The following C1orf159 variants were observed in gnomAD, a reference collection of about 807,000 sequenced individuals.
The protein encoded by C1orf159 is uncharacterized protein C1orf159.
In C1orf159, 19 loss-of-function variants were observed where a neutral mutation model predicts 25.6. The ratio of observed to expected loss-of-function variants is 0.74; its 90% CI spans 0.52 to 1.09. C1orf159 has a LOEUF of 1.09. Among genes scored for constraint, C1orf159 ranks in the 50% least tolerant of loss-of-function variants. The pLI, the probability that C1orf159 is intolerant of heterozygous loss-of-function variation, is 0.00. For synonymous variants in C1orf159, 139 were observed against 124.7 expected (o/e 1.12, Z -0.77); for missense variants, 274 against 290.6 (o/e 0.94, Z 0.42).
Position 1,082,841 on chromosome 1 carries a change from T to A in C1orf159, c.*52A>T. On this transcript the variant is annotated 3_prime_UTR_variant, in exon 10 of 10. Coordinates refer to ENST00000421241, the MANE Select transcript of C1orf159 (RefSeq NM_017891.5). The stretch of plus-strand genomic sequence containing the variant: ...CTTTGTGCTGGTTCCCGCCAAGGGG[T>A]CGGCCTCCGGGTCCCTGCCGCCAAG... 1 of 1,479,852 alleles carries A rather than the reference T, an allele frequency of 6.8e-7. No individual in the cohort carries two copies. Among genetic ancestry groups the A allele is most frequent in the Non-Finnish European group, 9.2e-7 (1 of 1,082,576 alleles). The allele number at this position is 1,479,852 out of a possible 1,614,324, so 91.7% of individuals were successfully genotyped here.
chr1:1,101,205 C>T (rs187973978), intron 1 of C1orf159, among the ~76,000 whole-genome samples: 2 of 152,208 alleles, frequency 1.3e-5, no homozygotes, highest in Admixed American at 6.5e-5. Context: ...CAAACTTGGT[C>T]GGGCGTGGCA....
At chr1:1,102,614 TAAAAAAAAAAAAAAAAAAAAA>T (rs1170365187) in intron 1 of C1orf159, among the ~76,000 whole-genome samples, 1 of 34,108 alleles carries the variant, frequency 2.9e-5, no homozygotes, top group African/African-American at 1.0e-4. Context: ...CTGTCTCTAC[TAAAAAAAAAAAAAAAAAAAAA>T]AAAAAAAAAA....
intron 6 of C1orf159, among the ~76,000 whole-genome samples, chr1:1,086,422 C>G (rs565118668): frequency 1.3e-5 from 2 of 152,372 alleles, no homozygotes; most frequent in South Asian, 4.1e-4. Flanking sequence ...GAGCCTCAAG[C>G]TGGCAGCAGG....
At chr1:1,091,169 TGC>T (rs1553119905) in intron 3 of C1orf159, 2 of 617,866 alleles carry the variant, frequency 3.2e-6, no homozygotes, top group Non-Finnish European at 5.7e-6. Flanking sequence ...CCGATAGCGA[TGC>T]GCGGCACGCT....
chr1:1,112,231 C>T (rs560212857), intron 1 of C1orf159, among the ~76,000 whole-genome samples: 39 of 152,332 alleles, frequency 2.6e-4, no homozygotes, highest in Non-Finnish European at 5.3e-4. Context: ...GGCAGCTTCC[C>T]GATACGATCT....
intron 1 of C1orf159, among the ~76,000 whole-genome samples, chr1:1,100,983 A>G (rs958891442): frequency 3.3e-5 from 5 of 152,188 alleles, no homozygotes; most frequent in Non-Finnish European, 7.3e-5. Flanking sequence ...ACTAATTTTG[A>G]TGTTCATCAT....
intron 9 of C1orf159, 60 bp downstream of exon 9, chr1:1,084,282 AACCCACAGAGC>A: frequency 6.6e-7 from 1 of 1,520,550 alleles, no homozygotes; most frequent in Non-Finnish European, 8.8e-7. Context: ...TTTGGGGACA[AACCCACAGAGC>A]ACCCTGGGAC....
At position 1,100,884 on chromosome 1, in the gene C1orf159, G is replaced by A. The variant is rs138125526; in HGVS notation, c.-135-8781C>T. Among the ~76,000 whole-genome samples the A allele has an allele frequency of 4.0e-3, 604 of 152,172 alleles. 4 individuals are homozygous for A. Among genetic ancestry groups the A allele is most frequent in the Admixed American group, 5.7e-3 (87 of 15,280 alleles). On this transcript the variant is annotated intron_variant, in intron 1 of 9. Coordinates refer to ENST00000421241, the MANE Select transcript of C1orf159 (RefSeq NM_017891.5). ...GACACCTTGCAACTGTACAGTCCACGGATCCCCTCTACTACTCTTCACGTT... is the reference window on the plus strand; with the variant it reads ...GACACCTTGCAACTGTACAGTCCACAGATCCCCTCTACTACTCTTCACGTT...
rs1470040140 is a variant in C1orf159 at position 1,110,666 on chromosome 1, G to A, written c.-136+5394C>T. On this transcript the variant is annotated intron_variant, in intron 1 of 9. Coordinates refer to ENST00000421241, the MANE Select transcript of C1orf159 (RefSeq NM_017891.5). The surrounding 1 kb of genome is among the most constrained non-coding windows in gnomAD (Gnocchi z 4.8). ...ACACCTGGGATGCAGCCTTCCCCCC[G>A]GGCACGTTCCCAAGAGAAACAACAC... 3.3e-5 allele frequency among the ~76,000 whole-genome samples: 5 copies of A among 151,684 alleles called. No individual in the cohort carries two copies. The highest frequency in any genetic ancestry group is 2.1e-4 in the South Asian group (1 of 4,810).
chr1:1,110,307 G>A lies in C1orf159; in HGVS notation c.-136+5753C>T, dbSNP rs1174138912. Among the ~76,000 whole-genome samples the A allele has an allele frequency of 6.6e-6, 1 of 152,190 alleles. No individual in the cohort carries two copies. Among genetic ancestry groups the A allele is most frequent in the East Asian group, 1.9e-4 (1 of 5,206 alleles). ...CTGGGGTCCCCTTGACCAAGAGGGA[G>A]CTCGTTCAGTCGGCGGGGGACTTAG... On this transcript the variant is annotated intron_variant, in intron 1 of 9. Coordinates refer to ENST00000421241, the MANE Select transcript of C1orf159 (RefSeq NM_017891.5). This position sits in a 1 kb window ranked among gnomAD's most constrained non-coding sequence, Gnocchi z 4.8.
intron 1 of C1orf159, among the ~76,000 whole-genome samples, chr1:1,107,693 G>A (rs1488142643): frequency 6.6e-6 from 1 of 152,228 alleles, no homozygotes; most frequent in East Asian, 1.9e-4. Context: ...GGTGGGGTCA[G>A]ATAAGGGAAT....
At position 1,110,955 on chromosome 1, in the gene C1orf159, C is replaced by T. The variant is rs1646249366; in HGVS notation, c.-136+5105G>A. On this transcript the variant is annotated intron_variant, in intron 1 of 9. Coordinates refer to ENST00000421241, the MANE Select transcript of C1orf159 (RefSeq NM_017891.5). This position sits in a 1 kb window ranked among gnomAD's most constrained non-coding sequence, Gnocchi z 4.8. ...GCGCGGCAGGCGGGCGCTGGAGCAG[C>T]CTGCGAGGCAATCTCCATGGATCAC... Among the ~76,000 whole-genome samples, 1 of 152,238 alleles carries T rather than the reference C, an allele frequency of 6.6e-6. No individual in the cohort carries two copies. Among genetic ancestry groups the T allele is most frequent in the African/African-American group, 2.4e-5 (1 of 41,460 alleles).
chr1:1,087,205 C>T lies in C1orf159; in HGVS notation c.245-1G>A. The T allele has an allele frequency of 6.2e-7, 1 of 1,606,472 alleles. No individual in the cohort carries two copies. The highest frequency in any genetic ancestry group is 1.3e-5 in the African/African-American group (1 of 74,988). On this transcript the variant is annotated splice_acceptor_variant, in intron 5 of 9. Coordinates refer to ENST00000421241, the MANE Select transcript of C1orf159 (RefSeq NM_017891.5). LOFTEE classifies it high-confidence loss of function. This position sits in a 1 kb window ranked among gnomAD's most constrained non-coding sequence, Gnocchi z 8.3. ...GGGAATGGCGCACCCGGGCCAGCAA[C>T]TGTGGGATAGCAGAACTGTGGGAAG... is the stretch of plus-strand genomic sequence containing the variant.
intron 1 of C1orf159, chr1:1,105,926 A>G (rs1450081165): frequency 5.3e-5 from 8 of 152,224 alleles, no homozygotes; most frequent in Admixed American, 2.6e-4. Flanking sequence ...TAAAATAGTA[A>G]TAAGTGTGTT....
rs1645820706 is a variant in C1orf159 at position 1,085,894 on chromosome 1, G to A, written c.429C>T (p.Cys143=). ...GGGAGATACCTTTGTTTCTTCTGTA[G>A]CAGGCCCTGGGGAGTTTACTGGAGC... ...LKRSSKLPRA[C]YRRNKAPALQ... is the part of the protein sequence containing the mutation. Residue 143 remains cysteine (C), a synonymous_variant, in exon 7 of 10, where the codon TGC becomes TGT. Transcript: ENST00000421241. 6.2e-7 allele frequency: 1 copy of A among 1,613,228 alleles called. No homozygotes were observed. Among genetic ancestry groups the A allele is most frequent in the Non-Finnish European group, 8.5e-7 (1 of 1,179,820 alleles).
At chr1:1,097,440 T>A (rs1646023335) in intron 1 of C1orf159, among the ~76,000 whole-genome samples, 1 of 151,804 alleles carries the variant, frequency 6.6e-6, no homozygotes, top group South Asian at 2.1e-4. Flanking sequence ...TTCAAACAGG[T>A]CTCTCTCTGT....
Position 1,087,266 on chromosome 1 carries a change from C to T in C1orf159, c.245-62G>A, listed in dbSNP as rs1355042061. 6.8e-6 allele frequency: 10 copies of T among 1,477,138 alleles called. No homozygotes were observed. Among genetic ancestry groups the T allele is most frequent in the Non-Finnish European group, 9.2e-6 (10 of 1,091,022 alleles). 91.5% of individuals were successfully genotyped at this position (1,477,138 alleles called of 1,614,324 possible). A position where few individuals can be genotyped will look rare whatever the true frequency, so the allele number is the denominator to read the frequency against. On this transcript the variant is annotated intron_variant, in intron 5 of 9. Coordinates refer to ENST00000421241, the MANE Select transcript of C1orf159 (RefSeq NM_017891.5). The surrounding 1 kb of genome is among the most constrained non-coding windows in gnomAD (Gnocchi z 8.3). ...CGGAGCCCACGGGGACACCCACGTGCACCCTGAAGGGATCTCAGGACGGAA... is the reference window on the plus strand; with the variant it reads ...CGGAGCCCACGGGGACACCCACGTGTACCCTGAAGGGATCTCAGGACGGAA...
chr1:1,114,996 A>C (rs1012831498), intron 1 of C1orf159: 4 of 152,186 alleles, frequency 2.6e-5, no homozygotes, highest in African/African-American at 7.2e-5. Flanking sequence ...AAGTAACCAA[A>C]CACCACCTGT....
intron 2 of C1orf159, 151 bp from the exon 3 acceptor site, chr1:1,091,716 G>T: frequency 3.7e-6 from 2 of 547,280 alleles, no homozygotes; most frequent in South Asian, 3.6e-5. Flanking sequence ...TGGGGCTGTG[G>T]TGGAGGGTGG....
Sources: allele counts gnomAD v4.1 joint callset (sites outside exome capture counted in the v4.1 genomes callset), GRCh38; gene constraint gnomAD v4.1.1; non-coding constraint Gnocchi (gnomAD v3.1); transcripts MANE v1.5; gene names NCBI Gene and HGNC (gene_info 2026-07-23, HGNC 2026-07-21).